The following CDADC1 variants were observed in gnomAD, a reference collection of about 807,000 sequenced individuals.
CDADC1 encodes dCTP deaminase.
A neutral mutation model predicts 54.9 loss-of-function variants in CDADC1; 39 were observed. That is an observed-to-expected ratio of 0.71 (90% CI 0.55 to 0.93). The LOEUF is 0.93. Among genes scored for constraint, CDADC1 ranks in the 40% least tolerant of loss-of-function variants. The pLI, the probability that CDADC1 is intolerant of heterozygous loss-of-function variation, is 0.00. For synonymous variants in CDADC1, 186 were observed against 204.0 expected (o/e 0.91, Z 0.75); for missense variants, 518 against 618.8 (o/e 0.84, Z 1.73).
At chr13:49,249,111 T>A in intron 2 of CDADC1, 146 bp downstream of exon 2, 1 of 603,996 alleles carries the variant, frequency 1.7e-6, no homozygotes. Flanking sequence ...TGACACTTTA[T>A]AATTCCCAGC....
chr13:49,256,794 T>A (rs184419841), intron 3 of CDADC1, among the ~76,000 whole-genome samples: 2 of 152,322 alleles, frequency 1.3e-5, no homozygotes, highest in East Asian at 3.9e-4. Context: ...TAATTCATTC[T>A]GAGAGTGAGC....
chr13:49,287,036 C>CA (rs942614222), intron 9 of CDADC1, among the ~76,000 whole-genome samples: 1 of 152,126 alleles, frequency 6.6e-6, no homozygotes. Flanking sequence ...ACTAAAAATA[C>CA]AAAAAATAGC....
In CDADC1 at chr13:49,292,044, T is replaced by C. The variant is rs1953722045; in HGVS notation, c.*287T>C. On this transcript the variant is annotated 3_prime_UTR_variant, in exon 10 of 10. Coordinates refer to ENST00000251108, the MANE Select transcript of CDADC1 (RefSeq NM_030911.4). ...CAACAGGGACTGATTTCTATTTATC[T>C]TGACTTTATATTAGCCAATTTGAAA... 8.8e-7 allele frequency: 1 copy of C among 1,132,652 alleles called. No homozygotes were observed. The allele number at this position is 1,132,652 out of a possible 1,614,324, so 70.2% of individuals were successfully genotyped here. A position where few individuals can be genotyped will look rare whatever the true frequency, so the allele number is the denominator to read the frequency against.
chr13:49,253,513 A>T (rs1286630481), intron 2 of CDADC1, among the ~76,000 whole-genome samples: 3 of 152,220 alleles, frequency 2.0e-5, no homozygotes, highest in African/African-American at 7.2e-5. Context: ...TCCGCCTCTT[A>T]CTAGTTGTAT....
chr13:49,266,509 GTTTTGTCTTTAA>G (rs1318728331), intron 4 of CDADC1, among the ~76,000 whole-genome samples: 1 of 152,020 alleles, frequency 6.6e-6, no homozygotes, highest in Non-Finnish European at 1.5e-5. Context: ...TTAGTTTGTT[GTTTTGTCTTTAA>G]TTTTGTAAGC....
intron 3 of CDADC1, among the ~76,000 whole-genome samples, chr13:49,257,503 G>A (rs996421040): frequency 4.6e-5 from 7 of 152,198 alleles, no homozygotes; most frequent in African/African-American, 1.7e-4. Flanking sequence ...GGGCACGGTG[G>A]CTCACGCCTG....
intron 2 of CDADC1, among the ~76,000 whole-genome samples, chr13:49,252,017 T>C (rs972659219): frequency 2.6e-5 from 4 of 152,178 alleles, no homozygotes; most frequent in African/African-American, 9.7e-5. Context: ...ATTTAAGGCT[T>C]TTAAATGGAA....
At chr13:49,285,001 G>A (rs1953464762) in intron 8 of CDADC1, among the ~76,000 whole-genome samples, 1 of 152,094 alleles carries the variant, frequency 6.6e-6, no homozygotes. Context: ...TGTAATATCT[G>A]TGAATCTTCA....
chr13:49,276,513 A>G (rs4942812), intron 6 of CDADC1, among the ~76,000 whole-genome samples: 94,798 of 151,876 alleles, frequency 0.62, 30,493 homozygotes, highest in South Asian at 0.77. Context: ...ATGTTTCACA[A>G]ACTCCTCAAG....
intron 3 of CDADC1, among the ~76,000 whole-genome samples, chr13:49,258,628 TG>T (rs2138202439): frequency 6.6e-6 from 1 of 152,306 alleles, no homozygotes; most frequent in African/African-American, 2.4e-5. Context: ...CCCTGCTCTG[TG>T]GAATATTGCT....
intron 3 of CDADC1, among the ~76,000 whole-genome samples, chr13:49,256,807 A>C (rs1397292836): frequency 6.6e-6 from 1 of 152,214 alleles, no homozygotes; most frequent in Admixed American, 6.5e-5. Flanking sequence ...GAGTGAGCCC[A>C]GTAGGAATAT....
intron 5 of CDADC1, among the ~76,000 whole-genome samples, chr13:49,273,082 C>T (rs1267143431): frequency 6.6e-6 from 1 of 151,786 alleles, no homozygotes; most frequent in Admixed American, 6.6e-5. Context: ...TTTTGAAAAC[C>T]AGGGTTTGCT....
intron 6 of CDADC1, 124 bp downstream of exon 6, chr13:49,274,464 C>A (rs1953048160): frequency 1.6e-6 from 1 of 612,030 alleles, no homozygotes; most frequent in East Asian, 3.0e-5. Flanking sequence ...GAGATTGAGA[C>A]CATCCTGGCT....
chr13:49,257,309 A>T (rs570760719), intron 3 of CDADC1, among the ~76,000 whole-genome samples: 1 of 149,544 alleles, frequency 6.7e-6, no homozygotes, highest in Non-Finnish European at 1.5e-5. Flanking sequence ...GATAGGAACA[A>T]TTTTTTTTTT....
Position 49,248,984 on chromosome 13 carries a change from T to G in CDADC1, c.177+19T>G, listed in dbSNP as rs747458520. The G allele has an allele frequency of 7.3e-6, 11 of 1,501,586 alleles. No homozygotes were observed. In the South Asian group the frequency reaches 1.2e-4, roughly 17 times the overall value. 93.0% of individuals were successfully genotyped at this position (1,501,586 alleles called of 1,614,324 possible). A position where few individuals can be genotyped will look rare whatever the true frequency, so the allele number is the denominator to read the frequency against. On this transcript the variant is annotated intron_variant, in intron 2 of 9. Transcript: ENST00000251108. Reference sequence around the variant, plus strand: ...ATCTCAGGTATAATTTGTTTCATAGTTTTTCCCCTTAGAAAAGCAGTGGTT... The same window carrying G: ...ATCTCAGGTATAATTTGTTTCATAGGTTTTCCCCTTAGAAAAGCAGTGGTT...
chr13:49,292,450 C>T lies in CDADC1; in HGVS notation c.*693C>T. On this transcript the variant is annotated 3_prime_UTR_variant, in exon 10 of 10. Coordinates refer to ENST00000251108, the MANE Select transcript of CDADC1 (RefSeq NM_030911.4). ...TCTTGAAATCACTAACAGTGAACCT[C>T]AAATTTGGTTATGATGTTAACAGAG... 2.0e-6 allele frequency: 2 copies of T among 1,011,326 alleles called. No individual in the cohort carries two copies. The highest frequency in any genetic ancestry group is 2.4e-6 in the Non-Finnish European group (2 of 845,480). The allele number at this position is 1,011,326 out of a possible 1,614,324, so 62.6% of individuals were successfully genotyped here. A position where few individuals can be genotyped will look rare whatever the true frequency, so the allele number is the denominator to read the frequency against.
At chr13:49,259,599 C>T (rs1421737263) in intron 4 of CDADC1, 76 bp downstream of exon 4, 1 of 1,429,668 alleles carries the variant, frequency 7.0e-7, no homozygotes, top group East Asian at 2.3e-5. Flanking sequence ...GCCTGTCATC[C>T]CAGCACTTTG....
At chr13:49,280,722 A>C in intron 8 of CDADC1, 24 bp downstream of exon 8, 3 of 1,493,046 alleles carry the variant, frequency 2.0e-6, no homozygotes, top group Non-Finnish European at 2.7e-6. Flanking sequence ...CATTTTTTTC[A>C]GGTGTATTTT....
At chr13:49,275,791 A>G (rs1045168527) in intron 6 of CDADC1, among the ~76,000 whole-genome samples, 1 of 100,072 alleles carries the variant, frequency 1.0e-5, no homozygotes, top group Non-Finnish European at 2.0e-5. Flanking sequence ...AGAGAGAGAG[A>G]GAGAGTCTCA....
Sources: allele counts gnomAD v4.1 joint callset (sites outside exome capture counted in the v4.1 genomes callset), GRCh38; gene constraint gnomAD v4.1.1; transcripts MANE v1.5; gene names NCBI Gene and HGNC (gene_info 2026-07-23, HGNC 2026-07-21).